The following ZNF560 variants were observed in gnomAD, a reference collection of about 807,000 sequenced individuals.
The protein encoded by ZNF560 is zinc finger protein 560.
A neutral mutation model predicts 81.8 loss-of-function variants in ZNF560; 54 were observed. The ratio of observed to expected loss-of-function variants is 0.66; its 90% CI spans 0.53 to 0.83. The LOEUF (loss-of-function observed/expected upper bound fraction) is 0.83, where lower values mean the gene tolerates loss of function less well. ZNF560 is among the 40% of genes least tolerant of loss of function. ZNF560 has a pLI of 0.00. For synonymous variants in ZNF560, 321 were observed against 317.9 expected (o/e 1.01, Z -0.10); for missense variants, 940 against 932.4 (o/e 1.01, Z -0.11).
the ZNF560 span, among the ~76,000 whole-genome samples, chr19:9,458,913 G>A: frequency 6.6e-6 from 1 of 152,228 alleles, no homozygotes; most frequent in Non-Finnish European, 1.5e-5. Context: ...ACTAGCTTAT[G>A]TACATGTATG....
At chr19:9,476,183 CAT>C (rs994257478) in intron 2 of ZNF560, among the ~76,000 whole-genome samples, 2 of 152,154 alleles carry the variant, frequency 1.3e-5, no homozygotes, top group Non-Finnish European at 2.9e-5. Flanking sequence ...ATAATCCCCA[CAT>C]GTCAAGGGCA....
rs2073029297 is a variant in ZNF560 at position 9,466,892 on chromosome 19, T to C, written c.2055A>G (p.Glu685=). Residue 685 remains glutamate (E), a synonymous_variant, in exon 10 of 10, where the codon GAA becomes GAG. Transcript: ENST00000301480. ...GAAAGGAATTTCCACATGCGTTACA[T>C]TCAGAGGTCTTCTCTGCTGCATGAG... ...LKTHAAEKTS[E]CNACGNSFRN... 6.2e-7 allele frequency: 1 copy of C among 1,614,010 alleles called. No homozygotes were observed. The highest frequency in any genetic ancestry group is 1.3e-5 in the African/African-American group (1 of 74,936).
chr19:9,466,938 A>C lies in ZNF560; in HGVS notation c.2009T>G (p.Val670Gly), dbSNP rs780518763. Residue 670 changes from valine to glycine, a missense_variant, in exon 10 of 10, where the codon GTA (valine) becomes GGA (glycine). By Grantham distance (109) the Val-to-Gly change is moderately radical. Transcript: ENST00000301480. Reference sequence around the variant, plus strand: ...ATGAGTTTTTAAGTGTTGAGTTAGTACACAAGACCTACTGTAAGCTTTTTC... The same window carrying C: ...ATGAGTTTTTAAGTGTTGAGTTAGTCCACAAGACCTACTGTAAGCTTTTTC... Reference protein sequence around the residue: ...ACEKAYSRSCVLTQHLKTHAA... With the variant: ...ACEKAYSRSCGLTQHLKTHAA... The C allele has an allele frequency of 1.3e-5, 21 of 1,614,152 alleles. No individual in the cohort carries two copies. Among genetic ancestry groups the C allele is most frequent in the Admixed American group, 1.7e-5 (1 of 60,024 alleles).
chr19:9,460,119 T>C, the ZNF560 span, among the ~76,000 whole-genome samples: 1 of 152,136 alleles, frequency 6.6e-6, no homozygotes, highest in Non-Finnish European at 1.5e-5. Context: ...TTGGGTGCCA[T>C]CGAGATATCT....
intron 2 of ZNF560, among the ~76,000 whole-genome samples, chr19:9,487,447 G>A (rs1232015924): frequency 1.3e-5 from 2 of 152,160 alleles, no homozygotes; most frequent in Non-Finnish European, 2.9e-5. Flanking sequence ...AGTCACTTTT[G>A]TGGGATGTTT....
chr19:9,498,240 C>T (rs2073593051), intron 1 of ZNF560, 25 bp from the exon 2 acceptor site: 1 of 152,118 alleles, frequency 6.6e-6, no homozygotes. Context: ...ACAAACGTTG[C>T]CTTGGAGACT....
At chr19:9,456,645 A>G in the ZNF560 span, among the ~76,000 whole-genome samples, 1 of 152,228 alleles carries the variant, frequency 6.6e-6, no homozygotes, top group Non-Finnish European at 1.5e-5. Flanking sequence ...GGCCGTCTGC[A>G]TGGCCAATTC....
chr19:9,474,458 C>T (rs980424259), intron 3 of ZNF560, 133 bp from the exon 4 acceptor site: 2 of 994,120 alleles, frequency 2.0e-6, no homozygotes, highest in East Asian at 5.0e-5. Context: ...GCTTAATAAT[C>T]CCAGGTAAAT....
the ZNF560 span, among the ~76,000 whole-genome samples, chr19:9,450,839 G>A: frequency 2.0e-5 from 3 of 152,058 alleles, no homozygotes; most frequent in Non-Finnish European, 4.4e-5. Flanking sequence ...CACCATTTCT[G>A]TACACCAATA....
the ZNF560 span, among the ~76,000 whole-genome samples, chr19:9,447,378 G>A: frequency 1.3e-5 from 2 of 152,138 alleles, no homozygotes; most frequent in Admixed American, 6.5e-5. Flanking sequence ...TACAGCAATG[G>A]TCCCTTTCCA....
At chr19:9,474,823 ATTTTTTT>A (rs35450965) in intron 3 of ZNF560, among the ~76,000 whole-genome samples, 58 of 85,706 alleles carry the variant, frequency 6.8e-4, no homozygotes, top group African/African-American at 2.5e-3. Context: ...CATGCCTGGC[ATTTTTTT>A]TTTTTTTTTT....
At position 9,468,162 on chromosome 19, in the gene ZNF560, C is replaced by T. The variant is rs1449552268; in HGVS notation, c.785G>A (p.Arg262Lys). The T allele has an allele frequency of 6.2e-6, 10 of 1,613,902 alleles. No homozygotes were observed. The highest frequency in any genetic ancestry group is 7.6e-6 in the Non-Finnish European group (9 of 1,179,996). Residue 262 changes from arginine to lysine, a missense_variant, in exon 10 of 10, where the codon AGG (arginine) becomes AAG (lysine). By Grantham distance (26) the Arg-to-Lys change is conservative. Coordinates refer to ENST00000301480, the MANE Select transcript of ZNF560 (RefSeq NM_152476.3). ...ATGCTTACTGAACACAGAAACTTTC[C>T]TTATGGTAGAGGTTTTATTGTATAG... ...LSLYNKTSTIRKVSVFSKHGK... is the reference protein window; with the variant it reads ...LSLYNKTSTIKKVSVFSKHGK...
intron 2 of ZNF560, among the ~76,000 whole-genome samples, chr19:9,496,926 CTG>C (rs1294469233): frequency 6.6e-6 from 1 of 150,440 alleles, no homozygotes; most frequent in East Asian, 2.0e-4. Context: ...CAGAACGAGA[CTG>C]TGTCTCAAAA....
At chr19:9,493,198 AGAAG>A (rs2073499564) in intron 2 of ZNF560, among the ~76,000 whole-genome samples, 1 of 152,200 alleles carries the variant, frequency 6.6e-6, no homozygotes, top group African/African-American at 2.4e-5. Context: ...AGATCCCTTC[AGAAG>A]GAAGGTTTGA....
intron 2 of ZNF560, among the ~76,000 whole-genome samples, chr19:9,479,571 C>A (rs2073253598): frequency 6.6e-6 from 1 of 151,872 alleles, no homozygotes; most frequent in Non-Finnish European, 1.5e-5. Context: ...TACAATTGGC[C>A]ATCTGAATTC....
Position 9,467,309 on chromosome 19 carries a change from A to G in ZNF560, c.1638T>C (p.Cys546=), listed in dbSNP as rs768476576. ...TAGTGAAAGCTTTACCACATTTCTT[A>G]CATTGATAGAGTCTCTCTTCTGTGT... ...RTHTEERLYQ[C]KKCGKAFTKC... Residue 546 remains cysteine (C), a synonymous_variant, in exon 10 of 10, where the codon TGT becomes TGC. Transcript: ENST00000301480. The G allele has an allele frequency of 6.2e-7, 1 of 1,614,154 alleles. No homozygotes were observed. The highest frequency in any genetic ancestry group is 2.2e-5 in the East Asian group (1 of 44,874).
At chr19:9,483,608 C>T (rs1273176103) in intron 2 of ZNF560, among the ~76,000 whole-genome samples, 5 of 141,222 alleles carry the variant, frequency 3.5e-5, no homozygotes, top group Non-Finnish European at 6.4e-5. Flanking sequence ...CCCGGCCAGC[C>T]GCCCCGTCTG....
chr19:9,474,219 T>A lies in ZNF560; in HGVS notation c.137A>T (p.Tyr46Phe), dbSNP rs149126749. 3.7e-6 allele frequency: 6 copies of A among 1,614,204 alleles called. No individual in the cohort carries two copies. Among genetic ancestry groups the A allele is most frequent in the Admixed American group, 1.7e-5 (1 of 60,026 alleles). ...NLYRDVMLEN[Y>F]ENVAKVGFQL... Reference sequence around the variant, plus strand: ...CTTACCTACTTTGGCCACGTTCTCATAATTCTCCAGCATCACATCTCTGTA... The same window carrying A: ...CTTACCTACTTTGGCCACGTTCTCAAAATTCTCCAGCATCACATCTCTGTA... The change falls in exon 4 of 10, where the codon TAT (tyrosine) becomes TTT (phenylalanine). Residue 46 changes from tyrosine to phenylalanine, a missense_variant. Physicochemically the swap from Tyr to Phe is conservative, Grantham distance 22 (BLOSUM62 3). Coordinates refer to ENST00000301480, the MANE Select transcript of ZNF560 (RefSeq NM_152476.3).
chr19:9,453,580 T>A, the ZNF560 span, among the ~76,000 whole-genome samples: 103 of 152,074 alleles, frequency 6.8e-4, 3 homozygotes, highest in South Asian at 0.012. Context: ...AATACAAAAC[T>A]ACCTATAAAA....
Sources: allele counts gnomAD v4.1 joint callset (sites outside exome capture counted in the v4.1 genomes callset), GRCh38; gene constraint gnomAD v4.1.1; transcripts MANE v1.5; gene names NCBI Gene and HGNC (gene_info 2026-07-23, HGNC 2026-07-21).